BCAS4: variants seen among roughly 807,000 people sequenced by gnomAD.
BCAS4 encodes breast carcinoma amplified sequence 4.
A neutral mutation model predicts 15.7 loss-of-function variants in BCAS4; 9 were observed. That is an observed-to-expected ratio of 0.57 (90% CI 0.34 to 1.00). The LOEUF (loss-of-function observed/expected upper bound fraction) is 1.00, where lower values mean the gene tolerates loss of function less well. BCAS4 is among the 50% of genes least tolerant of loss of function. BCAS4 has a pLI of 0.02. For synonymous variants in BCAS4, 101 were observed against 99.5 expected (o/e 1.02, Z -0.09); for missense variants, 225 against 239.1 (o/e 0.94, Z 0.39).
At chr20:50,795,702 A>T (rs2087847406) in intron 1 of BCAS4, among the ~76,000 whole-genome samples, 1 of 152,346 alleles carries the variant, frequency 6.6e-6, no homozygotes, top group Admixed American at 6.5e-5. Flanking sequence ...TGAAAAAGTT[A>T]TTTGTCTGAG....
intron 4 of BCAS4, among the ~76,000 whole-genome samples, chr20:50,843,004 C>G (rs760338664): frequency 3.3e-5 from 5 of 152,174 alleles, no homozygotes; most frequent in Non-Finnish European, 5.9e-5. Context: ...TTCTGTCACC[C>G]AGACTGGAAT....
Position 50,870,795 on chromosome 20 carries a change from G to A in BCAS4, c.400-5691G>A, listed in dbSNP as rs11696817. ...CCTGCAGGTCTGGGAACTCAGGTGC[G>A]CAGGGTGGACGCAGGGAGCTGCGGG... On this transcript the variant is annotated intron_variant, in intron 4 of 4. Transcript: ENST00000371608. Among the ~76,000 whole-genome samples the A allele has an allele frequency of 1.2e-3, 185 of 152,376 alleles. 2 individuals carry two copies. Among genetic ancestry groups the A allele is most frequent in the South Asian group, 0.011 (55 of 4,832 alleles).
chr20:50,879,526 G>A (rs1020280668), downstream of BCAS4: 3 of 152,192 alleles, frequency 2.0e-5, no homozygotes, highest in Non-Finnish European at 4.4e-5. Context: ...CAAAAAAGAA[G>A]AAAAAGGAGA....
chr20:50,831,109 G>T (rs184024252), intron 3 of BCAS4, among the ~76,000 whole-genome samples: 53 of 152,168 alleles, frequency 3.5e-4, no homozygotes, highest in Non-Finnish European at 1.5e-5. Flanking sequence ...CCAGCCCCTG[G>T]GTTGCATTCT....
At chr20:50,855,611 C>A (rs62205178) in intron 4 of BCAS4, among the ~76,000 whole-genome samples, 29,855 of 151,470 alleles carry the variant, frequency 0.2, 3,711 homozygotes, top group African/African-American at 0.36. Context: ...GCCGGCAGGG[C>A]TAGGACAGGT....
intron 4 of BCAS4, among the ~76,000 whole-genome samples, chr20:50,872,558 G>A (rs1406089148): frequency 2.7e-5 from 4 of 148,400 alleles, no homozygotes; most frequent in African/African-American, 1.0e-4. Flanking sequence ...GCGACAGAGC[G>A]AGACTCCATC....
intron 3 of BCAS4, among the ~76,000 whole-genome samples, chr20:50,838,566 C>T (rs1043237644): frequency 2.6e-5 from 4 of 151,866 alleles, no homozygotes. Context: ...AAAGTTAGAA[C>T]GGGTGTAGTG....
intron 1 of BCAS4, among the ~76,000 whole-genome samples, chr20:50,801,241 A>G (rs2087923101): frequency 6.6e-6 from 1 of 152,128 alleles, no homozygotes; most frequent in Admixed American, 6.6e-5. Context: ...AGGATGGCCA[A>G]CATGGTGAAA....
At chr20:50,840,015 C>T (rs920179030) in intron 3 of BCAS4, among the ~76,000 whole-genome samples, 4 of 152,018 alleles carry the variant, frequency 2.6e-5, no homozygotes, top group Non-Finnish European at 5.9e-5. Context: ...GCTGGAACTA[C>T]AGGCACATGC....
intron 4 of BCAS4, among the ~76,000 whole-genome samples, chr20:50,873,838 A>C (rs1194655053): frequency 2.6e-5 from 4 of 152,156 alleles, no homozygotes; most frequent in Non-Finnish European, 4.4e-5. Context: ...GCCGTGTTTG[A>C]GGTTCACCCT....
At chr20:50,835,788 C>A (rs972788346) in intron 3 of BCAS4, among the ~76,000 whole-genome samples, 3 of 152,132 alleles carry the variant, frequency 2.0e-5, no homozygotes, top group Non-Finnish European at 4.4e-5. Flanking sequence ...CACCCCTGCA[C>A]GTCTGCTTTC....
chr20:50,810,277 C>A (rs2088043965), intron 1 of BCAS4, among the ~76,000 whole-genome samples: 1 of 151,886 alleles, frequency 6.6e-6, no homozygotes, highest in Non-Finnish European at 1.5e-5. Flanking sequence ...AGTCACAGAG[C>A]CTTGCTCCCA....
chr20:50,880,162 T>A, downstream of BCAS4: 1 of 152,200 alleles, frequency 6.6e-6, no homozygotes, highest in African/African-American at 2.4e-5. Context: ...AGGAAATCTA[T>A]GGGGAAAAGG....
intron 1 of BCAS4, among the ~76,000 whole-genome samples, chr20:50,806,803 G>C (rs2087995236): frequency 6.6e-6 from 1 of 151,046 alleles, no homozygotes; most frequent in Non-Finnish European, 1.5e-5. Flanking sequence ...ACATCATGGA[G>C]AATGGGCTGT....
chr20:50,870,998 G>A (rs1280710421), intron 4 of BCAS4, among the ~76,000 whole-genome samples: 2 of 152,204 alleles, frequency 1.3e-5, no homozygotes, highest in African/African-American at 4.8e-5. Flanking sequence ...GGAGGAGGGG[G>A]TGGGGAGCTG....
chr20:50,848,042 C>T (rs955413520), intron 4 of BCAS4, among the ~76,000 whole-genome samples: 9 of 151,602 alleles, frequency 5.9e-5, no homozygotes, highest in African/African-American at 2.2e-4. Context: ...CTGTCTCAAA[C>T]AATAGCAACA....
intron 4 of BCAS4, among the ~76,000 whole-genome samples, chr20:50,843,627 T>C (rs2088509105): frequency 6.6e-6 from 1 of 152,260 alleles, no homozygotes; most frequent in South Asian, 2.1e-4. Flanking sequence ...TTGTAACAGC[T>C]GGACAGTGGC....
At chr20:50,834,269 G>T (rs980590655) in intron 3 of BCAS4, among the ~76,000 whole-genome samples, 18 of 150,708 alleles carry the variant, frequency 1.2e-4, no homozygotes, top group Non-Finnish European at 2.5e-4. Context: ...CTAAGTTGCT[G>T]CCCAGGCTGG....
intron 4 of BCAS4, among the ~76,000 whole-genome samples, chr20:50,870,901 G>T (rs1176607812): frequency 6.6e-6 from 1 of 152,200 alleles, no homozygotes; most frequent in Non-Finnish European, 1.5e-5. Context: ...GCTGGGGGTG[G>T]GCTGCGGAGG....
Sources: gnomAD v4.1 joint callset for allele counts (sites outside exome capture counted in the v4.1 genomes callset) on GRCh38, gnomAD v4.1.1 for gene constraint, MANE v1.5 for transcripts, NCBI Gene and HGNC (gene_info 2026-07-23, HGNC 2026-07-21) for gene names.